The following NPAS2 variants were observed in gnomAD, a reference collection of about 807,000 sequenced individuals.
NPAS2 encodes neuronal PAS domain protein 2.
Under a neutral mutation model 107.5 loss-of-function variants are expected in NPAS2, and 23 were observed. That is an observed-to-expected ratio of 0.21 (90% CI 0.15 to 0.30). The LOEUF (loss-of-function observed/expected upper bound fraction) is 0.30. Ranked by LOEUF, NPAS2 falls within the 10% of genes least tolerant of loss-of-function variation. The pLI is 1.00. For synonymous variants in NPAS2, 403 were observed against 417.5 expected (o/e 0.97, Z 0.42); for missense variants, 756 against 1,043.3 (o/e 0.72, Z 3.79).
At chr2:100,833,244 CA>C in intron 1 of NPAS2, among the ~76,000 whole-genome samples, 1 of 152,254 alleles carries the variant, frequency 6.6e-6, no homozygotes, top group Middle Eastern at 3.4e-3. Context: ...GTGGCCTTGG[CA>C]AGTTGCATAA....
intron 1 of NPAS2, chr2:100,821,187 T>G (rs1216063962): frequency 7.7e-7 from 1 of 1,304,260 alleles, no homozygotes; most frequent in East Asian, 5.6e-5. Context: ...TTGCCACTCC[T>G]TAATTGCTCA....
chr2:100,888,460 G>A (rs2104678982), intron 1 of NPAS2, among the ~76,000 whole-genome samples: 1 of 152,290 alleles, frequency 6.6e-6, no homozygotes, highest in East Asian at 1.9e-4. Context: ...TAAAGTCACA[G>A]ACTGGCAGCT....
intron 1 of NPAS2, among the ~76,000 whole-genome samples, chr2:100,889,158 A>G (rs1414837153): frequency 6.6e-6 from 1 of 152,226 alleles, no homozygotes; most frequent in East Asian, 1.9e-4. Context: ...AGTCATTTCT[A>G]CCTGTCCCAT....
rs1369335279 is a variant in NPAS2, at chr2:100,995,989, GAGA to G, written c.*410_*412del. ...TCTTGATCGTCTTTCCTTTGTATTG[GAGA>G]AGGACTGGGTCAGAGATCTGTTGGA... On this transcript the variant is annotated 3_prime_UTR_variant, in exon 21 of 21. Transcript: ENST00000335681. 13 of 1,266,636 alleles carry G rather than the reference GAGA, an allele frequency of 1.0e-5. No homozygotes were observed. Among genetic ancestry groups the G allele is most frequent in the African/African-American group, 1.5e-5 (1 of 65,420 alleles). 78.5% of individuals were successfully genotyped at this position (1,266,636 alleles called of 1,614,324 possible).
At chr2:100,936,133 A>G (rs17024999) in intron 4 of NPAS2, among the ~76,000 whole-genome samples, 4,104 of 152,254 alleles carry the variant, frequency 0.027, 192 homozygotes, top group African/African-American at 0.093. Flanking sequence ...GTCGGTGTAA[A>G]ATAATAAATG....
At chr2:100,880,225 G>A (rs749965155) in intron 1 of NPAS2, among the ~76,000 whole-genome samples, 9 of 152,178 alleles carry the variant, frequency 5.9e-5, no homozygotes, top group Non-Finnish European at 1.0e-4. Flanking sequence ...TCCTCAAACC[G>A]TTAAAACATA....
intron 3 of NPAS2, among the ~76,000 whole-genome samples, chr2:100,925,531 C>T (rs1394038837): frequency 2.0e-5 from 3 of 152,204 alleles, no homozygotes; most frequent in African/African-American, 7.2e-5. Flanking sequence ...CCAAAACAAC[C>T]TCACAGGTAG....
chr2:100,919,435 C>G (rs1195712512), intron 2 of NPAS2, among the ~76,000 whole-genome samples: 1 of 152,114 alleles, frequency 6.6e-6, no homozygotes, highest in Admixed American at 6.5e-5. Context: ...GTCACTTTTT[C>G]GAGGCTAATG....
chr2:100,967,101 G>T (rs887024172), intron 10 of NPAS2, among the ~76,000 whole-genome samples: 1 of 152,118 alleles, frequency 6.6e-6, no homozygotes, highest in Non-Finnish European at 1.5e-5. Context: ...ACAAGATCCC[G>T]AAGTGAAGAA....
intron 1 of NPAS2, among the ~76,000 whole-genome samples, chr2:100,853,004 G>A (rs993840537): frequency 7.2e-5 from 11 of 152,280 alleles, no homozygotes; most frequent in Non-Finnish European, 1.3e-4. Flanking sequence ...CCTAAGAGGA[G>A]CAAGAATAAT....
upstream of NPAS2, among the ~76,000 whole-genome samples, chr2:100,819,446 C>T (rs1044626532): frequency 6.6e-6 from 1 of 152,178 alleles, no homozygotes; most frequent in Non-Finnish European, 1.5e-5. This position sits in a 1 kb window ranked among gnomAD's most constrained non-coding sequence, Gnocchi z 5.8. Flanking sequence ...GACCACCGCT[C>T]GCCCGCATCT....
At chr2:100,940,919 G>A (rs1674535776) in intron 5 of NPAS2, among the ~76,000 whole-genome samples, 1 of 152,204 alleles carries the variant, frequency 6.6e-6, no homozygotes, top group East Asian at 1.9e-4. Context: ...TGGAGGTCGG[G>A]ACACAGGGTA....
chr2:100,905,328 C>G (rs962327041), intron 2 of NPAS2, among the ~76,000 whole-genome samples: 1 of 151,892 alleles, frequency 6.6e-6, no homozygotes, highest in African/African-American at 2.4e-5. Flanking sequence ...GTGGTTGGGT[C>G]AACTAAAAAT....
In NPAS2 at chr2:100,862,397, G is replaced by A. The variant is rs1169783897; in HGVS notation, c.-23+41983G>A. 4.6e-5 allele frequency among the ~76,000 whole-genome samples: 7 copies of A among 152,098 alleles called. No homozygotes were observed. The East Asian group carries it at 5.8e-4, about 13-fold the overall frequency. The stretch of plus-strand genomic sequence containing the variant: ...AAATCAGAAACAGCTGATATTCATC[G>A]GGCTGTATTTAACTTCTGCTTTTGT... On this transcript the variant is annotated intron_variant, in intron 1 of 20. Coordinates refer to ENST00000335681, the MANE Select transcript of NPAS2 (RefSeq NM_002518.4).
intron 1 of NPAS2, among the ~76,000 whole-genome samples, chr2:100,848,932 G>A (rs182871798): frequency 6.6e-4 from 101 of 152,350 alleles, no homozygotes; most frequent in Non-Finnish European, 4.9e-4. Context: ...GCCGTGGGGC[G>A]CAGCCTGTCA....
chr2:100,849,314 C>T (rs547105560), intron 1 of NPAS2, among the ~76,000 whole-genome samples: 94 of 152,278 alleles, frequency 6.2e-4, no homozygotes, highest in Non-Finnish European at 1.2e-3. Context: ...TAAACGGTCA[C>T]CTCCCTGCCT....
At chr2:100,893,852 T>C (rs1176599998) in intron 1 of NPAS2, among the ~76,000 whole-genome samples, 1 of 152,212 alleles carries the variant, frequency 6.6e-6, no homozygotes, top group Non-Finnish European at 1.5e-5. Context: ...AAAGACTGGA[T>C]GCTCTGCACC....
At chr2:100,835,450 A>C (rs1676998196) in intron 1 of NPAS2, among the ~76,000 whole-genome samples, 1 of 152,142 alleles carries the variant, frequency 6.6e-6, no homozygotes, top group South Asian at 2.1e-4. Flanking sequence ...AAACCACTCC[A>C]GTTTGGTGTC....
rs143464645 is a variant in NPAS2 at position 100,876,150 on chromosome 2, C to T, written c.-22-28583C>T. On this transcript the variant is annotated intron_variant, in intron 1 of 20. Coordinates refer to ENST00000335681, the MANE Select transcript of NPAS2 (RefSeq NM_002518.4). ...TGACATCAGACAGAGACTTCCTTTG[C>T]GGCCTCTCTGGTTCTGTTCCTCTCT... 1.5e-3 allele frequency among the ~76,000 whole-genome samples: 232 copies of T among 152,282 alleles called. 1 individual carries two copies. The highest frequency in any genetic ancestry group is 5.2e-3 in the African/African-American group (218 of 41,550).
Sources: allele counts gnomAD v4.1 joint callset (sites outside exome capture counted in the v4.1 genomes callset), GRCh38; gene constraint gnomAD v4.1.1; non-coding constraint Gnocchi (gnomAD v3.1); transcripts MANE v1.5; gene names NCBI Gene and HGNC (gene_info 2026-07-23, HGNC 2026-07-21).